The following WDR7 variants were observed in gnomAD, a reference collection of about 807,000 sequenced individuals.
The protein encoded by WDR7 is WD repeat domain 7.
WDR7 carries 46 observed loss-of-function variants against 169.4 expected under a neutral mutation model. The observed-to-expected ratio is 0.27, with a 90% CI of 0.21 to 0.35. The LOEUF is 0.35. Among genes scored for constraint, WDR7 ranks in the 10% least tolerant of loss-of-function variants. The pLI, the probability that WDR7 is intolerant of heterozygous loss-of-function variation, is 1.00. For synonymous variants in WDR7, 612 were observed against 666.8 expected (o/e 0.92, Z 1.27); for missense variants, 1,534 against 1,859.3 (o/e 0.83, Z 3.22).
intron 14 of WDR7, among the ~76,000 whole-genome samples, chr18:56,733,115 C>T (rs1210383522): frequency 1.3e-5 from 2 of 152,094 alleles, no homozygotes; most frequent in African/African-American, 2.4e-5. Flanking sequence ...GTGATAAAAG[C>T]ACCAGATATC....
chr18:56,746,570 G>A (rs1243157352), intron 14 of WDR7, among the ~76,000 whole-genome samples: 1 of 152,168 alleles, frequency 6.6e-6, no homozygotes, highest in Non-Finnish European at 1.5e-5. Context: ...ATGAGCATGA[G>A]TTCTGTGACC....
At chr18:56,802,362 T>G (rs2044689858) in intron 19 of WDR7, among the ~76,000 whole-genome samples, 1 of 152,050 alleles carries the variant, frequency 6.6e-6, no homozygotes, top group Non-Finnish European at 1.5e-5. Flanking sequence ...TTTTGTTTTG[T>G]TTTTGGTTTT....
rs568078 is a variant in WDR7 at position 56,672,587 on chromosome 18, C to A, written c.72C>A (p.Ala24=). Residue 24 remains alanine (A), a synonymous_variant, in exon 2 of 28, where the codon GCC becomes GCA. Transcript: ENST00000254442. ...AAGCGCCCACACATTGCATCTCAGCCGTACTTTTAACAGATGATGGGGCCA... is the reference window on the plus strand; with the variant it reads ...AAGCGCCCACACATTGCATCTCAGCAGTACTTTTAACAGATGATGGGGCCA... The part of the protein sequence containing the change: ...GRKAPTHCIS[A]VLLTDDGATI... 10 of 1,613,246 alleles carry A rather than the reference C, an allele frequency of 6.2e-6. No individual in the cohort carries two copies. Among genetic ancestry groups the A allele is most frequent in the Admixed American group, 5.0e-5 (3 of 59,942 alleles).
chr18:56,992,548 C>T (rs1333890898), intron 26 of WDR7, among the ~76,000 whole-genome samples: 1 of 152,094 alleles, frequency 6.6e-6, no homozygotes, highest in Non-Finnish European at 1.5e-5. Flanking sequence ...TTTAACAAAA[C>T]TCTGAAAAGG....
At chr18:56,713,835 A>G (rs1247737667) in intron 12 of WDR7, among the ~76,000 whole-genome samples, 1 of 152,202 alleles carries the variant, frequency 6.6e-6, no homozygotes, top group Non-Finnish European at 1.5e-5. Context: ...AAGAAATATG[A>G]GTTATAAAGT....
chr18:56,730,540 G>A (rs1427288128), intron 13 of WDR7, among the ~76,000 whole-genome samples: 1 of 152,162 alleles, frequency 6.6e-6, no homozygotes, highest in East Asian at 1.9e-4. Flanking sequence ...GCCGAGGCGG[G>A]CGGATCACGA....
intron 9 of WDR7, among the ~76,000 whole-genome samples, chr18:56,693,562 TTTTTTTTTTTG>T (rs1338544675): frequency 0.021 from 725 of 34,792 alleles, 12 homozygotes; most frequent in African/African-American, 0.031. Flanking sequence ...ATTTTGTTGG[TTTTTTTTTTTG>T]TTTTTTTTTT....
At chr18:56,832,170 A>G (rs2045322170) in intron 20 of WDR7, among the ~76,000 whole-genome samples, 1 of 152,148 alleles carries the variant, frequency 6.6e-6, no homozygotes, top group South Asian at 2.1e-4. Flanking sequence ...GGTGTCTGCC[A>G]TTACTGAGGC....
intron 26 of WDR7, among the ~76,000 whole-genome samples, chr18:56,996,523 T>C (rs1274563349): frequency 6.6e-6 from 1 of 152,242 alleles, no homozygotes; most frequent in Non-Finnish European, 1.5e-5. Flanking sequence ...TTAGTAGTTT[T>C]GACAAATGGT....
chr18:56,956,139 A>T (rs1471050472), intron 25 of WDR7, among the ~76,000 whole-genome samples: 2 of 152,174 alleles, frequency 1.3e-5, no homozygotes, highest in Non-Finnish European at 2.9e-5. Context: ...CTCAAATGGA[A>T]TTCCCCAGTG....
chr18:56,866,071 T>C (rs2045879120), intron 20 of WDR7, among the ~76,000 whole-genome samples: 1 of 152,174 alleles, frequency 6.6e-6, no homozygotes, highest in African/African-American at 2.4e-5. Context: ...AGATTGTAGG[T>C]CAGTGAAGAT....
At chr18:56,967,995 T>A (rs1199623072) in intron 26 of WDR7, among the ~76,000 whole-genome samples, 1 of 152,162 alleles carries the variant, frequency 6.6e-6, no homozygotes, top group Non-Finnish European at 1.5e-5. Context: ...CATCAGCAGT[T>A]GATTGAATCC....
chr18:56,779,502 C>G lies in WDR7; in HGVS notation c.3019C>G (p.Pro1007Ala). The change falls in exon 18 of 28, where the codon CCC becomes GCC. Residue 1007 changes from proline (P) to alanine (A), a missense_variant. Physicochemically the swap from Pro to Ala is conservative, Grantham distance 27 (BLOSUM62 -1). Coordinates refer to ENST00000254442, the MANE Select transcript of WDR7 (RefSeq NM_015285.3). ...ACTGGGATTGGATAAATTTAGGCCTCCCCTTCTGGAGATGCTGGCCCGAAG... is the reference window on the plus strand; with the variant it reads ...ACTGGGATTGGATAAATTTAGGCCTGCCCTTCTGGAGATGCTGGCCCGAAG... ...DLLGLDKFRP[P>A]LLEMLARRWQ... 1 of 1,613,962 alleles carries G rather than the reference C, an allele frequency of 6.2e-7. No homozygotes were observed. The highest frequency in any genetic ancestry group is 8.5e-7 in the Non-Finnish European group (1 of 1,179,906).
At chr18:56,772,009 T>G (rs1329621006) in intron 16 of WDR7, among the ~76,000 whole-genome samples, 1 of 132,302 alleles carries the variant, frequency 7.6e-6, no homozygotes, top group Non-Finnish European at 1.5e-5. Flanking sequence ...TGCAGTGAGC[T>G]GTGATCACAC....
At chr18:56,967,552 A>T (rs2047427573) in intron 26 of WDR7, among the ~76,000 whole-genome samples, 1 of 152,036 alleles carries the variant, frequency 6.6e-6, no homozygotes, top group African/African-American at 2.4e-5. Flanking sequence ...TCTTCCCTCT[A>T]TCAATATTTG....
chr18:56,829,256 TA>T (rs34752059), intron 20 of WDR7, among the ~76,000 whole-genome samples: 25,853 of 142,170 alleles, frequency 0.18, 2,442 homozygotes, highest in African/African-American at 0.27. Flanking sequence ...AGGCCTTCTG[TA>T]AAAAAAAAAA....
intron 13 of WDR7, among the ~76,000 whole-genome samples, chr18:56,724,197 A>G (rs2026386102): frequency 7.6e-6 from 1 of 132,302 alleles, no homozygotes; most frequent in South Asian, 2.4e-4. Flanking sequence ...CATTTTTTTG[A>G]CATGCCTGGT....
chr18:56,843,853 CTTTCT>C (rs1286988234), intron 20 of WDR7, among the ~76,000 whole-genome samples: 3 of 139,468 alleles, frequency 2.2e-5, no homozygotes, highest in Non-Finnish European at 4.6e-5. Flanking sequence ...TTTCTTTTTT[CTTTCT>C]TTTTTTTTTT....
chr18:56,697,861 A>G, intron 12 of WDR7, among the ~76,000 whole-genome samples: 1 of 152,336 alleles, frequency 6.6e-6, no homozygotes, highest in East Asian at 1.9e-4. Flanking sequence ...ATTAGATAGA[A>G]TAAGATATAG....
Sources: allele counts gnomAD v4.1 joint callset (sites outside exome capture counted in the v4.1 genomes callset), GRCh38; gene constraint gnomAD v4.1.1; transcripts MANE v1.5; gene names NCBI Gene and HGNC (gene_info 2026-07-23, HGNC 2026-07-21).